MALRD1: variants seen among roughly 807,000 people sequenced by gnomAD.
MALRD1 encodes the protein MAM and LDL-receptor class A domain-containing protein 1.
MALRD1 carries 247 observed loss-of-function variants against 242.1 expected under a neutral mutation model. The ratio of observed to expected loss-of-function variants is 1.02; its 90% CI spans 0.92 to 1.13. MALRD1 has a LOEUF of 1.13. Ranked by LOEUF, MALRD1 falls within the 50% of genes most tolerant of loss-of-function variation. The pLI is 0.00. For synonymous variants in MALRD1, 995 were observed against 866.6 expected, an observed-to-expected ratio of 1.15 and a Z score of -2.60; for missense variants, 2,989 against 2,533.1, an observed-to-expected ratio of 1.18 and a Z score of -3.86.
intron 38 of MALRD1, among the ~76,000 whole-genome samples, chr10:19,728,931 A>T (rs1295987291): frequency 6.6e-6 from 1 of 152,222 alleles, no homozygotes; most frequent in African/African-American, 2.4e-5. Flanking sequence ...TACTCAAATT[A>T]ATCAGAGCAA....
chr10:19,506,109 A>G (rs550947789), intron 31 of MALRD1, among the ~76,000 whole-genome samples: 3 of 152,318 alleles, frequency 2.0e-5, no homozygotes, highest in South Asian at 2.1e-4. Flanking sequence ...ATTTGCCTGC[A>G]TGCTCAACCT....
rs1344877716 is a variant in MALRD1 at position 19,283,118 on chromosome 10, T to C, written c.3356T>C (p.Leu1119Pro). The C allele has an allele frequency of 6.5e-7, 1 of 1,549,614 alleles. No homozygotes were observed. The highest frequency in any genetic ancestry group is 8.7e-7 in the Non-Finnish European group (1 of 1,146,370). Residue 1119 changes from leucine (L) to proline (P), a missense_variant, in exon 21 of 40, where the codon CTT (leucine) becomes CCT (proline). Physicochemically the swap from Leu to Pro is moderately conservative, Grantham distance 98. Transcript: ENST00000454679. The part of the protein sequence containing the change: ...LQDSNTFRWG[L>P]GNGISIHHGE... ...GATTCAAACACATTCAGGTGGGGGCTTGGGAACGGGATCAGCATTCATCAT... is the reference window on the plus strand; with the variant it reads ...GATTCAAACACATTCAGGTGGGGGCCTGGGAACGGGATCAGCATTCATCAT...
intron 17 of MALRD1, among the ~76,000 whole-genome samples, chr10:19,208,904 C>G (rs74697682): frequency 6.6e-6 from 1 of 152,070 alleles, no homozygotes; most frequent in East Asian, 1.9e-4. Flanking sequence ...TTGGAACATT[C>G]AGTTGAGGTT....
At chr10:19,339,199 T>C (rs1272096951) in intron 24 of MALRD1, among the ~76,000 whole-genome samples, 2 of 152,090 alleles carry the variant, frequency 1.3e-5, no homozygotes, top group South Asian at 2.1e-4. Flanking sequence ...TGGTCTTTTC[T>C]GGAAGATGTA....
At chr10:19,156,280 G>T (rs1325314567) in intron 12 of MALRD1, among the ~76,000 whole-genome samples, 1 of 151,724 alleles carries the variant, frequency 6.6e-6, no homozygotes, top group East Asian at 1.9e-4. Flanking sequence ...AAGTCCTAAA[G>T]ATACTTTCTT....
chr10:19,489,094 A>T, intron 29 of MALRD1: 1 of 462,388 alleles, frequency 2.2e-6, no homozygotes, highest in Non-Finnish European at 4.4e-6. Context: ...TTCCGGAGCC[A>T]GAATGCCCAA....
Position 19,146,304 on chromosome 10 carries a change from C to A in MALRD1, c.1518C>A (p.His506Gln). ...KLMKGLNNGE[H>Q]HFPAADHTAN... ...TGAAAGGATTGAATAATGGAGAGCA[C>A]CACTTTCCTGCAGCTGATCACACAG... The change falls in exon 11 of 40, where the codon CAC (histidine) becomes CAA (glutamine). Residue 506 changes from histidine (H) to glutamine (Q), a missense_variant. His to Gln is a conservative substitution (Grantham distance 24). Transcript: ENST00000454679. 1 of 1,231,546 alleles carries A rather than the reference C, an allele frequency of 8.1e-7. No homozygotes were observed. Among genetic ancestry groups the A allele is most frequent in the Non-Finnish European group, 1.0e-6 (1 of 987,868 alleles). 76.3% of individuals were successfully genotyped at this position (1,231,546 alleles called of 1,614,324 possible).
intron 14 of MALRD1, among the ~76,000 whole-genome samples, chr10:19,175,551 T>C (rs1835196407): frequency 6.6e-6 from 1 of 150,690 alleles, no homozygotes; most frequent in South Asian, 2.1e-4. Flanking sequence ...TATTCTATGC[T>C]TGCAGCTGAA....
At chr10:19,341,525 T>C (rs1843871941) in intron 24 of MALRD1, among the ~76,000 whole-genome samples, 1 of 144,676 alleles carries the variant, frequency 6.9e-6, no homozygotes, top group Non-Finnish European at 1.5e-5. Flanking sequence ...TGTATATATG[T>C]ATATATATAC....
chr10:19,259,770 A>G (rs554832310), intron 19 of MALRD1, among the ~76,000 whole-genome samples: 4 of 152,040 alleles, frequency 2.6e-5, no homozygotes, highest in African/African-American at 9.6e-5. Context: ...TCTCTCCCTT[A>G]CTTCCTTCTG....
At chr10:19,241,318 C>T (rs1209463138) in intron 18 of MALRD1, among the ~76,000 whole-genome samples, 1 of 151,984 alleles carries the variant, frequency 6.6e-6, no homozygotes, top group East Asian at 1.9e-4. Context: ...TGTATGTGTG[C>T]AGAAATTTAT....
intron 18 of MALRD1, among the ~76,000 whole-genome samples, chr10:19,252,310 C>A (rs148198971): frequency 1.4e-4 from 21 of 152,138 alleles, no homozygotes; most frequent in Admixed American, 7.9e-4. Flanking sequence ...CTGGGTCCAG[C>A]CCAAGGGCCA....
intron 10 of MALRD1, 91 bp from the exon 11 acceptor site, chr10:19,146,107 A>G (rs954799150): frequency 9.1e-6 from 9 of 985,846 alleles, no homozygotes; most frequent in Non-Finnish European, 1.0e-5. Flanking sequence ...ATAATTTTGC[A>G]GGCCTCCTAA....
At chr10:19,169,949 A>G (rs918138912) in intron 13 of MALRD1, among the ~76,000 whole-genome samples, 2 of 152,198 alleles carry the variant, frequency 1.3e-5, no homozygotes, top group African/African-American at 4.8e-5. Context: ...ACATCAAATC[A>G]TGTGACCTCT....
At chr10:19,625,060 A>AAGAC (rs1839588842) in intron 36 of MALRD1, among the ~76,000 whole-genome samples, 1 of 148,518 alleles carries the variant, frequency 6.7e-6, no homozygotes, top group African/African-American at 2.5e-5. Context: ...CTATTTTAAA[A>AAGAC]AGAGAGAGAG....
intron 1 of MALRD1, among the ~76,000 whole-genome samples, chr10:19,063,750 A>G (rs1013730410): frequency 6.7e-6 from 1 of 148,744 alleles, no homozygotes; most frequent in African/African-American, 2.5e-5. Flanking sequence ...GAATGAGAAC[A>G]CATGGACACA....
intron 38 of MALRD1, among the ~76,000 whole-genome samples, chr10:19,694,377 C>T (rs187443975): frequency 6.6e-6 from 1 of 151,906 alleles, no homozygotes; most frequent in South Asian, 2.1e-4. Flanking sequence ...AACAAATTCA[C>T]AAGAAAAAAA....
intron 10 of MALRD1, among the ~76,000 whole-genome samples, chr10:19,139,684 C>T (rs78470738): frequency 6.6e-5 from 10 of 152,228 alleles, no homozygotes; most frequent in East Asian, 3.9e-4. Flanking sequence ...GCCTCCAGAC[C>T]GGTGGCTCTT....
At chr10:19,174,384 A>G (rs1196908548) in intron 13 of MALRD1, among the ~76,000 whole-genome samples, 1 of 152,146 alleles carries the variant, frequency 6.6e-6, no homozygotes, top group Non-Finnish European at 1.5e-5. Flanking sequence ...TTGAGATAGC[A>G]TGTTCTGAGC....
Sources: gnomAD v4.1 joint callset for allele counts (sites outside exome capture counted in the v4.1 genomes callset) on GRCh38, gnomAD v4.1.1 for gene constraint, MANE v1.5 for transcripts, NCBI Gene and HGNC (gene_info 2026-07-23, HGNC 2026-07-21) for gene names.